Variants in HSPA12A observed in about 807,000 individuals in gnomAD.
HSPA12A encodes the protein heat shock protein family A (Hsp70) member 12A.
Under a neutral mutation model 69.2 loss-of-function variants are expected in HSPA12A, and 28 were observed. That is an observed-to-expected ratio of 0.40 (90% CI 0.30 to 0.55). The LOEUF (loss-of-function observed/expected upper bound fraction) is 0.55, where lower values mean the gene tolerates loss of function less well. Among genes scored for constraint, HSPA12A ranks in the 20% least tolerant of loss-of-function variants. The pLI is 0.38. For synonymous variants in HSPA12A, 345 were observed against 370.5 expected, an observed-to-expected ratio of 0.93 and a Z score of 0.79; for missense variants, 686 against 900.7, an observed-to-expected ratio of 0.76 and a Z score of 3.05.
chr10:116,769,235 C>A (rs1174244939), intron 2 of HSPA12A, among the ~76,000 whole-genome samples: 2 of 152,208 alleles, frequency 1.3e-5, no homozygotes, highest in East Asian at 1.9e-4. Flanking sequence ...ACCTAGAGAG[C>A]CCCCTCTTAG....
chr10:116,675,551 CT>C lies in HSPA12A; in HGVS notation c.1391-134del. 2.3e-6 allele frequency: 2 copies of C among 877,530 alleles called. No individual in the cohort carries two copies. The highest frequency in any genetic ancestry group is 3.7e-4 in the Middle Eastern group (1 of 2,730). 54.4% of individuals were successfully genotyped at this position (877,530 alleles called of 1,614,324 possible). ...GGGAGGGCAGGCTTACTCTGAGCTC[CT>C]TGAACAGAATCTTTGCAGAACTGGT... On this transcript the variant is annotated intron_variant, in intron 11 of 11. Transcript: ENST00000369209. This position sits in a 1 kb window ranked among gnomAD's most constrained non-coding sequence, Gnocchi z 5.2.
intron 1 of HSPA12A, among the ~76,000 whole-genome samples, chr10:116,727,610 G>A (rs965482126): frequency 8.5e-5 from 13 of 152,166 alleles, no homozygotes; most frequent in Admixed American, 6.5e-5. Context: ...TAGACATTTA[G>A]TAGAAACCAT....
chr10:116,779,770 C>A (rs1844421860), intron 2 of HSPA12A, among the ~76,000 whole-genome samples: 1 of 152,046 alleles, frequency 6.6e-6, no homozygotes, highest in Admixed American at 6.5e-5. Flanking sequence ...TGGCACGAAG[C>A]CCAATGTGAA....
At chr10:116,844,203 G>A (rs878977148) in intron 1 of HSPA12A, among the ~76,000 whole-genome samples, 1 of 152,236 alleles carries the variant, frequency 6.6e-6, no homozygotes, top group Admixed American at 6.5e-5. Flanking sequence ...GTGACCTTGG[G>A]CCAATCACTT....
intron 2 of HSPA12A, among the ~76,000 whole-genome samples, chr10:116,804,169 G>GC (rs1307395036): frequency 6.6e-6 from 1 of 151,980 alleles, no homozygotes; most frequent in Non-Finnish European, 1.5e-5. Context: ...AACGATGCAC[G>GC]CATTTTCTTA....
At chr10:116,743,052 G>A (rs1441879769), upstream of HSPA12A, among the ~76,000 whole-genome samples, 6 of 151,996 alleles carry the variant, frequency 3.9e-5, no homozygotes, top group Non-Finnish European at 8.8e-5. Context: ...GGCGGGCTGG[G>A]TGGACCCCGG....
upstream of HSPA12A, among the ~76,000 whole-genome samples, chr10:116,745,402 C>T (rs996758619): frequency 2.0e-5 from 3 of 152,182 alleles, no homozygotes; most frequent in African/African-American, 7.2e-5. Flanking sequence ...CCTCAAGCTC[C>T]CCTCCAAAGA....
chr10:116,845,542 G>A (rs1254231405), intron 1 of HSPA12A, among the ~76,000 whole-genome samples: 1 of 152,084 alleles, frequency 6.6e-6, no homozygotes, highest in East Asian at 1.9e-4. Context: ...TGAAGCAGGA[G>A]AGTACAGTCC....
At chr10:116,691,417 G>C (rs1554880132) in intron 6 of HSPA12A, among the ~76,000 whole-genome samples, 1 of 152,166 alleles carries the variant, frequency 6.6e-6, no homozygotes, top group Non-Finnish European at 1.5e-5. Flanking sequence ...CAAAATCAGA[G>C]GTACGTCTCC....
rs1255059357 is a variant in HSPA12A at position 116,700,989 on chromosome 10, T to G, written c.395A>C (p.Gln132Pro). The change falls in exon 4 of 12, where the codon CAG becomes CCG. Residue 132 changes from glutamine (Q) to proline (P), a missense_variant. Coordinates refer to ENST00000369209, the MANE Select transcript of HSPA12A (RefSeq NM_025015.3). ...CTTGAACTTCTCCAGGTACAGCCAC[T>G]GCTTGGCCTCATTGGGATCCAGGTC... is the stretch of plus-strand genomic sequence containing the variant. ...YHDLDPNEAK[Q>P]WLYLEKFKMK... The G allele has an allele frequency of 2.5e-6, 4 of 1,613,920 alleles. No individual in the cohort carries two copies. The East Asian group carries it at 6.7e-5, about 27-fold the overall frequency.
intron 5 of HSPA12A, among the ~76,000 whole-genome samples, chr10:116,696,323 G>A (rs1483174672): frequency 6.6e-6 from 1 of 152,134 alleles, no homozygotes; most frequent in African/African-American, 2.4e-5. Context: ...TAATCCCCAC[G>A]TGTCAAGGGT....
At chr10:116,721,062 T>G (rs1554884326) in intron 1 of HSPA12A, among the ~76,000 whole-genome samples, 1 of 152,214 alleles carries the variant, frequency 6.6e-6, no homozygotes, top group Non-Finnish European at 1.5e-5. Flanking sequence ...AAGTCTAAAA[T>G]CCCTAATTAC....
chr10:116,698,454 AT>A, intron 5 of HSPA12A, 180 bp downstream of exon 5: 2 of 466,540 alleles, frequency 4.3e-6, no homozygotes, highest in Non-Finnish European at 7.7e-6. Flanking sequence ...AGGCCGCACC[AT>A]TTTACTTTCC....
chr10:116,696,991 CCA>C (rs1251462842), intron 5 of HSPA12A, among the ~76,000 whole-genome samples: 4 of 152,102 alleles, frequency 2.6e-5, no homozygotes, highest in African/African-American at 9.7e-5. Flanking sequence ...CCCCCAGCAC[CCA>C]CAGTTACCCC....
At chr10:116,683,182 C>G (rs1183910790) in intron 7 of HSPA12A, among the ~76,000 whole-genome samples, 1 of 152,044 alleles carries the variant, frequency 6.6e-6, no homozygotes, top group Non-Finnish European at 1.5e-5. Context: ...ACCCACAGAG[C>G]CCTGGATACC....
chr10:116,775,278 G>A (rs782510321), intron 2 of HSPA12A, among the ~76,000 whole-genome samples: 1 of 152,190 alleles, frequency 6.6e-6, no homozygotes, highest in Non-Finnish European at 1.5e-5. Context: ...AGGAAGGAAA[G>A]ATCCCAGGGT....
chr10:116,836,692 G>C (rs1448445010), intron 1 of HSPA12A, among the ~76,000 whole-genome samples: 1 of 151,932 alleles, frequency 6.6e-6, no homozygotes, highest in African/African-American at 2.4e-5. Flanking sequence ...TGGTGTGACT[G>C]GTGGATTTTT....
At chr10:116,743,376 C>T (rs1405197686), upstream of HSPA12A, among the ~76,000 whole-genome samples, 1 of 152,228 alleles carries the variant, frequency 6.6e-6, no homozygotes, top group African/African-American at 2.4e-5. Context: ...TGTCACCACC[C>T]TGCCTTGGCA....
At chr10:116,819,540 C>T (rs1386060450) in intron 2 of HSPA12A, among the ~76,000 whole-genome samples, 1 of 152,154 alleles carries the variant, frequency 6.6e-6, no homozygotes, top group Non-Finnish European at 1.5e-5. Flanking sequence ...ACACAGAAGG[C>T]ACCACCTATG....
Sources: allele counts gnomAD v4.1 joint callset (sites outside exome capture counted in the v4.1 genomes callset), GRCh38; gene constraint gnomAD v4.1.1; non-coding constraint Gnocchi (gnomAD v3.1); transcripts MANE v1.5; gene names NCBI Gene and HGNC (gene_info 2026-07-23, HGNC 2026-07-21).